SERTAD2: variants seen among roughly 807,000 people sequenced by gnomAD.
SERTAD2 encodes the protein SERTA domain containing 2.
In SERTAD2, 2 loss-of-function variants were observed where a neutral mutation model predicts 15.4. The ratio of observed to expected loss-of-function variants is 0.13; its 90% CI spans 0.05 to 0.41. The LOEUF is 0.41. Ranked by LOEUF, SERTAD2 falls within the 10% of genes least tolerant of loss-of-function variation. SERTAD2 has a pLI of 0.99. For synonymous variants in SERTAD2, 180 were observed against 178.0 expected, an observed-to-expected ratio of 1.01 and a Z score of -0.09; for missense variants, 333 against 409.7, an observed-to-expected ratio of 0.81 and a Z score of 1.62.
Position 64,636,769 on chromosome 2 carries a change from A to C in SERTAD2, c.103T>G (p.Leu35Val). ...ATGTTGAAGATAGTCTGGCGCTGTA[A>C]GGTGTAAGACACCTTGGATGGACCG... is the stretch of plus-strand genomic sequence containing the variant. The part of the protein sequence containing the change: ...CDGPSKVSYT[L>V]QRQTIFNISL... Residue 35 changes from leucine (L) to valine (V), a missense_variant, in exon 2 of 2, where the codon TTA (leucine) becomes GTA (valine). Leu to Val is a conservative substitution (Grantham distance 32). This residue lies in a region of SERTAD2 where 332 missense variants were observed against 392.9 expected (regional missense o/e 0.84). Coordinates refer to ENST00000313349, the MANE Select transcript of SERTAD2 (RefSeq NM_014755.3). 6 of 1,614,166 alleles carry C rather than the reference A, an allele frequency of 3.7e-6. No individual in the cohort carries two copies. The highest frequency in any genetic ancestry group is 5.1e-6 in the Non-Finnish European group (6 of 1,180,018).
In SERTAD2 at chr2:64,653,779, C is replaced by G. The variant is rs1006137025; in HGVS notation, c.-164G>C. The G allele has an allele frequency of 6.6e-6, 1 of 152,244 alleles. No individual in the cohort carries two copies. Among genetic ancestry groups the G allele is most frequent in the African/African-American group, 2.4e-5 (1 of 41,466 alleles). 9.4% of individuals were successfully genotyped at this position (152,244 alleles called of 1,614,324 possible). A position where few individuals can be genotyped will look rare whatever the true frequency, so the allele number is the denominator to read the frequency against. On this transcript the variant is annotated 5_prime_UTR_variant, in exon 1 of 2. Transcript: ENST00000313349. ...GAAGCTAAGACTCCGCCGTTCTCTGCCTGCGCGCCCCGAGCATTATACAAT... is the reference window on the plus strand; with the variant it reads ...GAAGCTAAGACTCCGCCGTTCTCTGGCTGCGCGCCCCGAGCATTATACAAT...
Position 64,631,861 on chromosome 2 carries a change from ATG to A in SERTAD2, c.*4064_*4065del, listed in dbSNP as rs1296363574. On this transcript the variant is annotated 3_prime_UTR_variant, in exon 2 of 2. Coordinates refer to ENST00000313349, the MANE Select transcript of SERTAD2 (RefSeq NM_014755.3). ...CCTCCTCAAAAACCATGCACCAAAC[ATG>A]TCACTATGTACATCTTTTTTCAAAA... The A allele has an allele frequency of 3.3e-5, 5 of 152,626 alleles. No homozygotes were observed. The highest frequency in any genetic ancestry group is 1.2e-4 in the African/African-American group (5 of 41,448). The allele number at this position is 152,626 out of a possible 1,614,324, so 9.5% of individuals were successfully genotyped here. A position where few individuals can be genotyped will look rare whatever the true frequency, so the allele number is the denominator to read the frequency against.
intron 1 of SERTAD2, among the ~76,000 whole-genome samples, chr2:64,643,437 C>T (rs1674819685): frequency 1.3e-5 from 2 of 152,328 alleles, no homozygotes; most frequent in Admixed American, 1.3e-4. Context: ...GGGCCTGCCT[C>T]ATGATGAGTC....
intron 1 of SERTAD2, among the ~76,000 whole-genome samples, chr2:64,643,737 G>A (rs1200565941): frequency 6.6e-6 from 1 of 152,150 alleles, no homozygotes; most frequent in African/African-American, 2.4e-5. Context: ...GCGGTGGCGG[G>A]TACCTGTAGT....
Position 64,636,561 on chromosome 2 carries a change from G to A in SERTAD2, c.311C>T (p.Pro104Leu), listed in dbSNP as rs774144094. ...GGACGCCAGGTGGCTGAAGGCCGGC[G>A]GGGCCTCTCGGTAGCTGTCGCTGGG... is the stretch of plus-strand genomic sequence containing the variant. ...TEPSDSYREA[P>L]PAFSHLASPS... Residue 104 changes from proline to leucine, a missense_variant, in exon 2 of 2, where the codon CCG becomes CTG. By Grantham distance (98) the Pro-to-Leu change is moderately conservative. This residue lies in a region of SERTAD2 where 332 missense variants were observed against 392.9 expected (regional missense o/e 0.84). Coordinates refer to ENST00000313349, the MANE Select transcript of SERTAD2 (RefSeq NM_014755.3). 9 of 1,596,850 alleles carry A rather than the reference G, an allele frequency of 5.6e-6. No homozygotes were observed. The highest frequency in any genetic ancestry group is 1.7e-4 in the Middle Eastern group (1 of 5,984).
In SERTAD2 at chr2:64,636,950, T is replaced by C; in HGVS notation, c.-4-75A>G. 5.5e-6 allele frequency: 6 copies of C among 1,099,194 alleles called. No homozygotes were observed. In the South Asian group the frequency reaches 6.1e-5, roughly 11 times the overall value. The allele number at this position is 1,099,194 out of a possible 1,614,324, so 68.1% of individuals were successfully genotyped here. ...TCTCCCATAAAAAAAGAGACTGATT[T>C]AGAGGGCAGGACTTGGACCTCAGTT... On this transcript the variant is annotated intron_variant, in intron 1 of 1. Transcript: ENST00000313349.
chr2:64,652,528 T>C (rs1350476253), intron 1 of SERTAD2, among the ~76,000 whole-genome samples: 2 of 152,246 alleles, frequency 1.3e-5, no homozygotes, highest in Non-Finnish European at 2.9e-5. Flanking sequence ...TGGATATTTC[T>C]TAACATACAT....
At chr2:64,638,777 T>A (rs1469774254) in intron 1 of SERTAD2, among the ~76,000 whole-genome samples, 1 of 152,202 alleles carries the variant, frequency 6.6e-6, no homozygotes, top group Non-Finnish European at 1.5e-5. Context: ...ATAGTAACAG[T>A]TGGTTTGTCT....
At position 64,633,312 on chromosome 2, in the gene SERTAD2, G is replaced by C. The variant is rs1198750366; in HGVS notation, c.*2615C>G. On this transcript the variant is annotated 3_prime_UTR_variant, in exon 2 of 2. Transcript: ENST00000313349. ...CTGCTGTTTTTGGGGTTTTTGTTTT[G>C]ATTTTGAAGCCCAGCCTTACAAATA... is the stretch of plus-strand genomic sequence containing the variant. 1.3e-5 allele frequency: 2 copies of C among 152,176 alleles called. No homozygotes were observed. The highest frequency in any genetic ancestry group is 1.5e-5 in the Non-Finnish European group (1 of 68,020). The allele number at this position is 152,176 out of a possible 1,614,324, so 9.4% of individuals were successfully genotyped here.
intron 1 of SERTAD2, among the ~76,000 whole-genome samples, chr2:64,643,168 G>A (rs750251043): frequency 6.6e-6 from 1 of 152,196 alleles, no homozygotes; most frequent in Non-Finnish European, 1.5e-5. Context: ...GGAAAGCATC[G>A]CCTTAGAAGC....
intron 1 of SERTAD2, among the ~76,000 whole-genome samples, chr2:64,652,581 ATGTAC>A (rs1675035491): frequency 6.6e-6 from 1 of 152,232 alleles, no homozygotes; most frequent in South Asian, 2.1e-4. Context: ...GCTTGAAAAC[ATGTAC>A]TCTCTACCCT....
chr2:64,645,384 AAGAAGAAG>A (rs1370638749), intron 1 of SERTAD2, among the ~76,000 whole-genome samples: 3 of 41,582 alleles, frequency 7.2e-5, no homozygotes, highest in Non-Finnish European at 1.9e-4. Context: ...AGTGAAGAAG[AAGAAGAAG>A]AAAAAAAAAG....
intron 1 of SERTAD2, among the ~76,000 whole-genome samples, chr2:64,645,218 G>A (rs1490683704): frequency 1.3e-5 from 2 of 152,130 alleles, no homozygotes; most frequent in African/African-American, 2.4e-5. Context: ...CCTGTAACCC[G>A]ATACCACTGT....
At chr2:64,644,017 C>A (rs1424134158) in intron 1 of SERTAD2, among the ~76,000 whole-genome samples, 2 of 152,182 alleles carry the variant, frequency 1.3e-5, no homozygotes, top group African/African-American at 4.8e-5. Flanking sequence ...AAGATGAGGC[C>A]TTTAACCCAA....
chr2:64,647,338 G>C (rs1055850528), intron 1 of SERTAD2, among the ~76,000 whole-genome samples: 1 of 152,166 alleles, frequency 6.6e-6, no homozygotes, highest in African/African-American at 2.4e-5. Context: ...TGGTGTCAGA[G>C]TATGTTTTTA....
At chr2:64,649,846 A>C (rs1035264865) in intron 1 of SERTAD2, among the ~76,000 whole-genome samples, 2 of 151,666 alleles carry the variant, frequency 1.3e-5, no homozygotes, top group Non-Finnish European at 2.9e-5. Context: ...AGCTCAGTCC[A>C]CTCTCTACTC....
chr2:64,649,919 C>T lies in SERTAD2; in HGVS notation c.-5+3701G>A, dbSNP rs538783487. The stretch of plus-strand genomic sequence containing the variant: ...TGCTGTCCCTGTGGGGAGGCAGGGC[C>T]AGCTCTGGCCAGACAGTGTGCAAGT... On this transcript the variant is annotated intron_variant, in intron 1 of 1. Coordinates refer to ENST00000313349, the MANE Select transcript of SERTAD2 (RefSeq NM_014755.3). Among the ~76,000 whole-genome samples the T allele has an allele frequency of 2.0e-3, 308 of 152,322 alleles. 2 individuals carry two copies. The highest frequency in any genetic ancestry group is 6.5e-3 in the African/African-American group (270 of 41,568).
At chr2:64,653,539 G>GA (rs1675061569) in intron 1 of SERTAD2, 81 bp downstream of exon 1, 1 of 152,948 alleles carries the variant, frequency 6.5e-6, no homozygotes, top group African/African-American at 2.4e-5. Context: ...AGCCCTGGCC[G>GA]AGTCCCAACA....
At chr2:64,640,761 A>T (rs983803429) in intron 1 of SERTAD2, among the ~76,000 whole-genome samples, 83 of 152,158 alleles carry the variant, frequency 5.5e-4, no homozygotes, top group African/African-American at 1.7e-3. Context: ...ACCAAAGCCT[A>T]AAAAACCCAT....
Sources: gnomAD v4.1 joint callset for allele counts (sites outside exome capture counted in the v4.1 genomes callset) on GRCh38, gnomAD v4.1.1 for gene constraint, gnomAD v4.1.1 regional missense constraint, MANE v1.5 for transcripts, NCBI Gene and HGNC (gene_info 2026-07-23, HGNC 2026-07-21) for gene names.